The following TNNT3 variants were observed in gnomAD, a reference collection of about 807,000 sequenced individuals.
The protein encoded by TNNT3 is troponin T, fast skeletal muscle.
A neutral mutation model predicts 54.2 loss-of-function variants in TNNT3; 36 were observed. That is an observed-to-expected ratio of 0.66 (90% CI 0.51 to 0.88). TNNT3 has a LOEUF of 0.88. Ranked by LOEUF, TNNT3 falls within the 40% of genes least tolerant of loss-of-function variation. The probability of loss-of-function intolerance (pLI) is 0.00; values close to 1 mark genes in which losing one functional copy is unlikely to be tolerated. For missense variants in TNNT3, 291 were observed against 331.6 expected, an observed-to-expected ratio of 0.88 and a Z score of 0.95; for synonymous variants, 120 against 109.7, an observed-to-expected ratio of 1.09 and a Z score of -0.59.
chr11:1,928,729 C>G (rs932494953), intron 6 of TNNT3, among the ~76,000 whole-genome samples: 1 of 152,294 alleles, frequency 6.6e-6, no homozygotes, highest in East Asian at 1.9e-4. Flanking sequence ...GCACCCACCC[C>G]GGCTGCAACG....
chr11:1,926,493 A>C (rs754016711), intron 5 of TNNT3: 52 of 1,613,006 alleles, frequency 3.2e-5, no homozygotes, highest in Non-Finnish European at 4.2e-5. Context: ...TACGTGCATG[A>C]CTTCGATGCC....
intron 1 of TNNT3, 191 bp from the exon 2 acceptor site, chr11:1,922,666 G>A (rs1444198420): frequency 9.5e-6 from 6 of 629,610 alleles, no homozygotes; most frequent in Non-Finnish European, 1.7e-5. Flanking sequence ...AGAGCTGGGA[G>A]GGGCCAGGAG....
Position 1,938,431 on chromosome 11 carries a change from T to C in TNNT3, c.723-7T>C. ...ACCCTGAAGGATCACTTGCTTCCCA[T>C]TTGCAGCAGCAAGAAGGCTGGGACC... On this transcript the variant is annotated splice_polypyrimidine_tract_variant and splice_region_variant and intron_variant, in intron 15 of 15. Coordinates refer to ENST00000278317, the MANE Select transcript of TNNT3 (RefSeq NM_006757.4). 1.9e-6 allele frequency: 3 copies of C among 1,613,114 alleles called. No homozygotes were observed. Among genetic ancestry groups the C allele is most frequent in the Non-Finnish European group, 2.5e-6 (3 of 1,179,826 alleles).
intron 15 of TNNT3, among the ~76,000 whole-genome samples, chr11:1,937,799 C>A (rs1177606926): frequency 6.6e-6 from 1 of 152,210 alleles, no homozygotes; most frequent in Non-Finnish European, 1.5e-5. Context: ...CATTGCAGAC[C>A]CCTCTGAGGG....
chr11:1,938,334 G>C (rs1855751877), intron 15 of TNNT3, 104 bp from the exon 16 acceptor site: 13 of 1,310,148 alleles, frequency 9.9e-6, no homozygotes, highest in Non-Finnish European at 1.4e-5. Flanking sequence ...CCTGTGCCCT[G>C]AGAGCAGCCT....
chr11:1,922,065 G>T (rs1177113107), intron 1 of TNNT3, among the ~76,000 whole-genome samples: 1 of 152,224 alleles, frequency 6.6e-6, no homozygotes, highest in African/African-American at 2.4e-5. Flanking sequence ...TGTTCTGTGG[G>T]CTCCTGCAGT....
rs1373963350 is a variant in TNNT3 at position 1,922,907 on chromosome 11, G to T, written c.17+16G>T. On this transcript the variant is annotated intron_variant, in intron 2 of 15. Coordinates refer to ENST00000278317, the MANE Select transcript of TNNT3 (RefSeq NM_006757.4). ...ACGAGGAAGTGTGAGTACCCAGCTG[G>T]TGGCTGCCCCCTGCCTGGCTCGGGA... The T allele has an allele frequency of 3.7e-6, 6 of 1,613,746 alleles. No individual in the cohort carries two copies. Among genetic ancestry groups the T allele is most frequent in the Non-Finnish European group, 5.1e-6 (6 of 1,180,012 alleles).
intron 14 of TNNT3, chr11:1,936,073 C>A: frequency 1.1e-6 from 1 of 894,774 alleles, no homozygotes; most frequent in Non-Finnish European, 1.8e-6. Flanking sequence ...CAGGGACCCA[C>A]TGGCTTTGGA....
chr11:1,928,704 C>T (rs925085539), intron 6 of TNNT3, among the ~76,000 whole-genome samples: 2 of 152,124 alleles, frequency 1.3e-5, no homozygotes, highest in Admixed American at 6.5e-5. Flanking sequence ...CCGGGAAGCA[C>T]GAAGCAAAGG....
chr11:1,936,870 C>T (rs1855240860), intron 14 of TNNT3, 93 bp from the exon 15 acceptor site: 2 of 1,403,004 alleles, frequency 1.4e-6, no homozygotes, highest in Non-Finnish European at 2.0e-6. Context: ...GGTCGCGCAG[C>T]CCAGCCCACC....
intron 14 of TNNT3, chr11:1,935,127 C>T: frequency 1.5e-6 from 1 of 646,884 alleles, no homozygotes; most frequent in Non-Finnish European, 2.8e-6. Context: ...CCTGGCTGGC[C>T]ATGCAGCGCC....
In TNNT3 at chr11:1,923,412, C is replaced by T. The variant is rs553122484; in HGVS notation, c.32-143C>T. On this transcript the variant is annotated intron_variant, in intron 3 of 15. Coordinates refer to ENST00000278317, the MANE Select transcript of TNNT3 (RefSeq NM_006757.4). ...CCTTCCCCAGCGCCTCCTCAGGGCC[C>T]GAGGACCCCTGATTCCACGCTCTTG... is the stretch of plus-strand genomic sequence containing the variant. 5.0e-4 allele frequency: 464 copies of T among 930,922 alleles called. 2 individuals are homozygous for T. The highest frequency in any genetic ancestry group is 3.8e-3 in the Middle Eastern group (17 of 4,436). 57.7% of individuals were successfully genotyped at this position (930,922 alleles called of 1,614,324 possible).
chr11:1,921,869 G>T (rs1381975141), intron 1 of TNNT3, among the ~76,000 whole-genome samples: 1 of 152,204 alleles, frequency 6.6e-6, no homozygotes, highest in Non-Finnish European at 1.5e-5. Context: ...GCCTCCCCAG[G>T]CCTGGCCGCC....
intron 5 of TNNT3, 106 bp from the exon 6 acceptor site, chr11:1,926,589 C>A (rs1319510047): frequency 6.2e-7 from 1 of 1,608,050 alleles, no homozygotes; most frequent in Non-Finnish European, 8.5e-7. Context: ...CTGGCCTGCT[C>A]GCTCCGCCGC....
At chr11:1,938,371 G>T in intron 15 of TNNT3, 67 bp from the exon 16 acceptor site, 1 of 1,571,406 alleles carries the variant, frequency 6.4e-7, no homozygotes, top group Non-Finnish European at 8.8e-7. Flanking sequence ...TCCGCCCAGG[G>T]TGGGGGACCA....
intron 4 of TNNT3, 119 bp from the exon 5 acceptor site, chr11:1,924,980 C>A (rs1589899546): frequency 1.7e-6 from 2 of 1,180,170 alleles, no homozygotes; most frequent in Non-Finnish European, 2.5e-6. Context: ...GCCCCAGGCC[C>A]TCTTCTCCCG....
chr11:1,923,235 G>C (rs146525925), intron 3 of TNNT3, among the ~76,000 whole-genome samples, 174 bp downstream of exon 3: 1 of 152,234 alleles, frequency 6.6e-6, no homozygotes, highest in African/African-American at 2.4e-5. Flanking sequence ...GGGGGGCCTC[G>C]TCTTTTCCCC....
At position 1,938,332 on chromosome 11, in the gene TNNT3, C is replaced by A; in HGVS notation, c.723-106C>A. ...CGCAAGCTTGGGCCGGGCCTGTGCC[C>A]TGAGAGCAGCCTGGGGTCGGGCTGA... On this transcript the variant is annotated intron_variant, in intron 15 of 15. Coordinates refer to ENST00000278317, the MANE Select transcript of TNNT3 (RefSeq NM_006757.4). 11 of 1,297,906 alleles carry A rather than the reference C, an allele frequency of 8.5e-6. No individual in the cohort carries two copies. In the South Asian group the frequency reaches 9.5e-5, roughly 11 times the overall value. 80.4% of individuals were successfully genotyped at this position (1,297,906 alleles called of 1,614,324 possible).
chr11:1,930,117 A>G (rs1236724120), intron 8 of TNNT3, among the ~76,000 whole-genome samples: 1 of 152,048 alleles, frequency 6.6e-6, no homozygotes, highest in Non-Finnish European at 1.5e-5. Flanking sequence ...GCAGGGTGTG[A>G]TTTTGCCCAG....
Sources: gnomAD v4.1 joint callset for allele counts (sites outside exome capture counted in the v4.1 genomes callset) on GRCh38, gnomAD v4.1.1 for gene constraint, MANE v1.5 for transcripts, NCBI Gene and HGNC (gene_info 2026-07-23, HGNC 2026-07-21) for gene names.